The following CHL1 variants were observed in gnomAD, a reference collection of about 807,000 sequenced individuals.
CHL1 encodes neural cell adhesion molecule L1-like protein.
CHL1 carries 96 observed loss-of-function variants against 141.9 expected under a neutral mutation model. The ratio of observed to expected loss-of-function variants is 0.68; its 90% CI spans 0.57 to 0.80. The LOEUF is 0.80. CHL1 is among the 30% of genes least tolerant of loss of function. CHL1 has a pLI of 0.00. For missense variants in CHL1, 1,820 were observed against 1,457.2 expected (o/e 1.25, Z -4.05); for synonymous variants, 613 against 502.2 (o/e 1.22, Z -2.95).
chr3:205,104 C>CG (rs67636162), intron 1 of CHL1, among the ~76,000 whole-genome samples: 1 of 129,128 alleles, frequency 7.7e-6, no homozygotes, highest in Non-Finnish European at 1.6e-5. Flanking sequence ...TTCTTTCTTT[C>CG]TTTTTTTTTT....
intron 10 of CHL1, among the ~76,000 whole-genome samples, chr3:350,468 C>T (rs1378274656): frequency 1.3e-5 from 2 of 152,162 alleles, no homozygotes; most frequent in African/African-American, 2.4e-5. Flanking sequence ...AGCTTAGCTA[C>T]TGAAAGGAAT....
chr3:318,065 C>T (rs1023089508), intron 2 of CHL1, among the ~76,000 whole-genome samples: 1 of 151,804 alleles, frequency 6.6e-6, no homozygotes, highest in African/African-American at 2.4e-5. Context: ...TACTCTAATT[C>T]AGGACAAAGA....
At chr3:308,444 T>C (rs2124959399) in intron 2 of CHL1, among the ~76,000 whole-genome samples, 1 of 152,130 alleles carries the variant, frequency 6.6e-6, no homozygotes, top group South Asian at 2.1e-4. Context: ...GATATCCACC[T>C]GAACAATTTG....
At chr3:236,537 G>T (rs530942500) in intron 1 of CHL1, among the ~76,000 whole-genome samples, 2 of 152,074 alleles carry the variant, frequency 1.3e-5, no homozygotes, top group African/African-American at 2.4e-5. Context: ...GTGTCTCTCC[G>T]TTTTTGGAAG....
chr3:341,802 A>G, intron 6 of CHL1, 110 bp from the exon 7 acceptor site: 1 of 929,276 alleles, frequency 1.1e-6, no homozygotes, highest in Non-Finnish European at 1.5e-6. Flanking sequence ...GGAATTAAAG[A>G]GCAAACAGGA....
intron 4 of CHL1, among the ~76,000 whole-genome samples, chr3:326,702 G>A (rs751949056): frequency 3.3e-5 from 5 of 151,876 alleles, no homozygotes; most frequent in Admixed American, 1.3e-4. Context: ...AGTGAGAAGG[G>A]AGAGGCTGTG....
intron 1 of CHL1, among the ~76,000 whole-genome samples, chr3:242,544 C>A (rs182398526): frequency 1.2e-3 from 179 of 151,872 alleles, no homozygotes; most frequent in Middle Eastern, 3.4e-3. Flanking sequence ...TGCAGTGAGC[C>A]GAGATTGTGC....
Position 223,502 on chromosome 3 carries a change from G to T in CHL1, c.-174-21111G>T, listed in dbSNP as rs574538522. The stretch of plus-strand genomic sequence containing the variant: ...AGAATAAGACCTATCTCAGAAGGTT[G>T]TTGCAATTATTAAATAAATTATTAT... On this transcript the variant is annotated intron_variant, in intron 1 of 27. Transcript: ENST00000256509. Among the ~76,000 whole-genome samples, 13 of 152,292 alleles carry T rather than the reference G, an allele frequency of 8.5e-5. No homozygotes were observed. The South Asian group carries it at 1.0e-3, about 12-fold the overall frequency.
chr3:343,053 T>G, intron 8 of CHL1, 22 bp downstream of exon 8: 1 of 1,587,508 alleles, frequency 6.3e-7, no homozygotes, highest in Non-Finnish European at 8.6e-7. Context: ...CCATGTGGAG[T>G]GTTGGCATTT....
At position 252,361 on chromosome 3, in the gene CHL1, G is replaced by GATAGAT. The variant is rs1553596099; in HGVS notation, c.-95+7672_-95+7673insGATATA. The stretch of plus-strand genomic sequence containing the variant: ...AGCCACAGATTTAAGAAAGCATCCA[G>GATAGAT]ATATATATATATATATATATATATA... On this transcript the variant is annotated intron_variant, in intron 2 of 27. Transcript: ENST00000256509. Among the ~76,000 whole-genome samples the GATAGAT allele has an allele frequency of 1.8e-4, 10 of 54,274 alleles. No individual in the cohort carries two copies. The East Asian group carries it at 3.0e-3, about 16-fold the overall frequency. The allele number at this position is 54,274 out of a possible 152,430, so 35.6% of individuals were successfully genotyped here. A position where few individuals can be genotyped will look rare whatever the true frequency, so the allele number is the denominator to read the frequency against.
intron 2 of CHL1, among the ~76,000 whole-genome samples, chr3:302,506 G>A (rs924984078): frequency 1.3e-5 from 2 of 152,188 alleles, no homozygotes; most frequent in Non-Finnish European, 2.9e-5. Context: ...GTGATGATGA[G>A]CATTTTTTCA....
At chr3:368,069 T>G (rs138389077) in intron 15 of CHL1, among the ~76,000 whole-genome samples, 2,919 of 152,292 alleles carry the variant, frequency 0.019, 45 homozygotes, top group South Asian at 0.03. Flanking sequence ...TATGTGTATG[T>G]GTCTTTATAG....
chr3:294,026 T>C (rs1697954084), intron 2 of CHL1, among the ~76,000 whole-genome samples: 1 of 151,968 alleles, frequency 6.6e-6, no homozygotes, highest in South Asian at 2.1e-4. Context: ...ATTTTTAAAA[T>C]AAAGGTTACA....
At chr3:291,113 C>T (rs1167978784) in intron 2 of CHL1, among the ~76,000 whole-genome samples, 1 of 151,826 alleles carries the variant, frequency 6.6e-6, no homozygotes, top group Non-Finnish European at 1.5e-5. Flanking sequence ...CCAGGGTTGC[C>T]TGTTTAATAT....
chr3:342,234 T>G, intron 7 of CHL1, 152 bp downstream of exon 7: 1 of 578,612 alleles, frequency 1.7e-6, no homozygotes, highest in Non-Finnish European at 2.9e-6. Context: ...AATAGACATC[T>G]GCAGCTGCAG....
intron 11 of CHL1, among the ~76,000 whole-genome samples, chr3:355,432 C>T (rs1362538168): frequency 6.6e-6 from 1 of 152,244 alleles, no homozygotes; most frequent in Non-Finnish European, 1.5e-5. Context: ...CTCCCCATTT[C>T]ACCATGCTCA....
intron 15 of CHL1, among the ~76,000 whole-genome samples, chr3:374,835 T>C (rs565801682): frequency 6.6e-6 from 1 of 152,190 alleles, no homozygotes; most frequent in Non-Finnish European, 1.5e-5. Flanking sequence ...TCATACTTCT[T>C]ACCTTCTGCT....
intron 1 of CHL1, among the ~76,000 whole-genome samples, chr3:221,471 CCTACACTTATT>C (rs1700833574): frequency 6.6e-6 from 1 of 152,114 alleles, no homozygotes; most frequent in Non-Finnish European, 1.5e-5. Flanking sequence ...TGTAGCAGAC[CCTACACTTATT>C]CAAAGAATCA....
chr3:220,995 G>T (rs1281162127), intron 1 of CHL1, among the ~76,000 whole-genome samples: 1 of 152,166 alleles, frequency 6.6e-6, no homozygotes, highest in Non-Finnish European at 1.5e-5. Context: ...TCTTAACCAA[G>T]ACACTCCCTT....
Sources: gnomAD v4.1 joint callset for allele counts (sites outside exome capture counted in the v4.1 genomes callset) on GRCh38, gnomAD v4.1.1 for gene constraint, MANE v1.5 for transcripts, NCBI Gene and HGNC (gene_info 2026-07-23, HGNC 2026-07-21) for gene names.